Variants in CFAP61 observed in about 807,000 individuals in gnomAD.
The protein encoded by CFAP61 is cilia and flagella associated protein 61, also known as cilia- and flagella-associated protein 61.
In CFAP61, 107 loss-of-function variants were observed where a neutral mutation model predicts 135.6. That is an observed-to-expected ratio of 0.79 (90% CI 0.67 to 0.93). CFAP61 has a LOEUF of 0.93. Among genes scored for constraint, CFAP61 ranks in the 40% least tolerant of loss-of-function variants. The pLI, the probability that CFAP61 is intolerant of heterozygous loss-of-function variation, is 0.00. For synonymous variants in CFAP61, 575 were observed against 578.5 expected (o/e 0.99, Z 0.09); for missense variants, 1,507 against 1,556.2 (o/e 0.97, Z 0.53).
chr20:20,115,020 A>G (rs4814941), intron 8 of CFAP61, among the ~76,000 whole-genome samples: 14,920 of 152,124 alleles, frequency 0.098, 1,519 homozygotes, highest in East Asian at 0.59. Flanking sequence ...TGAAGAGATG[A>G]ATTACATTGA....
chr20:20,348,987 T>A (rs1048219581), intron 26 of CFAP61, among the ~76,000 whole-genome samples: 4 of 152,152 alleles, frequency 2.6e-5, no homozygotes, highest in African/African-American at 9.7e-5. Flanking sequence ...TTTTGGAAGT[T>A]CTAGCCAGAG....
In CFAP61 at chr20:20,228,637, C is replaced by G. The variant is rs533856282; in HGVS notation, c.2060+261C>G. 2.9e-5 allele frequency: 9 copies of G among 306,148 alleles called. No homozygotes were observed. In the Admixed American group the frequency reaches 3.4e-4, roughly 12 times the overall value. 19.0% of individuals were successfully genotyped at this position (306,148 alleles called of 1,614,324 possible). A position where few individuals can be genotyped will look rare whatever the true frequency, so the allele number is the denominator to read the frequency against. ...ACAGCCACACTCATTTATGTGTTGT[C>G]TGTGGCCATTTTTGTGCTACAATAG... is the stretch of plus-strand genomic sequence containing the variant. On this transcript the variant is annotated intron_variant, in intron 18 of 26. Coordinates refer to ENST00000245957, the MANE Select transcript of CFAP61 (RefSeq NM_015585.4).
At chr20:20,290,207 C>T in intron 23 of CFAP61, 93 bp from the exon 24 acceptor site, 1 of 806,060 alleles carries the variant, frequency 1.2e-6, no homozygotes, top group Non-Finnish European at 2.2e-6. Context: ...TACGCCACTG[C>T]AGGCATCTGT....
chr20:20,272,031 T>C (rs2053397001), intron 21 of CFAP61, among the ~76,000 whole-genome samples: 1 of 152,340 alleles, frequency 6.6e-6, no homozygotes, highest in African/African-American at 2.4e-5. Flanking sequence ...AAGTACACAA[T>C]GGTAGGTATA....
At chr20:20,056,005 T>C (rs1034636532) in intron 1 of CFAP61, 3 of 1,608,708 alleles carry the variant, frequency 1.9e-6, no homozygotes, top group East Asian at 2.3e-5. Flanking sequence ...TTCTCCACTG[T>C]TGCCGTCATT....
intron 1 of CFAP61, among the ~76,000 whole-genome samples, chr20:20,054,779 G>C (rs527879398): frequency 6.6e-5 from 10 of 152,178 alleles, no homozygotes; most frequent in African/African-American, 2.4e-4. Context: ...TAGACAGTCT[G>C]TCTTTTGTCA....
At chr20:20,076,823 A>G (rs2046082088) in intron 6 of CFAP61, among the ~76,000 whole-genome samples, 2 of 152,138 alleles carry the variant, frequency 1.3e-5, no homozygotes, top group African/African-American at 2.4e-5. Context: ...CTGGATTCTG[A>G]TCTTGGCTCT....
At chr20:20,349,652 TTAAAAAGAA>T (rs1436154238) in intron 26 of CFAP61, among the ~76,000 whole-genome samples, 2 of 152,178 alleles carry the variant, frequency 1.3e-5, no homozygotes, top group Non-Finnish European at 2.9e-5. Context: ...TATAATAGCA[TTAAAAAGAA>T]TAAAATACTT....
chr20:20,085,343 T>C (rs1175158755), intron 6 of CFAP61: 5 of 1,269,790 alleles, frequency 3.9e-6, no homozygotes, highest in Non-Finnish European at 5.1e-6. Context: ...TTTGAGACTA[T>C]GTGAGGCTGA....
chr20:20,190,477 G>A (rs565962390), intron 14 of CFAP61, among the ~76,000 whole-genome samples: 1 of 152,304 alleles, frequency 6.6e-6, no homozygotes, highest in African/African-American at 2.4e-5. Flanking sequence ...TGGGGACAGA[G>A]GGGGCAACTC....
rs938885817 is a variant in CFAP61, at chr20:20,075,583, C to G, written c.534C>G (p.Ser178Arg). 1.2e-6 allele frequency: 2 copies of G among 1,614,162 alleles called. No homozygotes were observed. Among genetic ancestry groups the G allele is most frequent in the African/African-American group, 2.7e-5 (2 of 75,040 alleles). ...CAGTGCATATATGTCACAGGCACAG[C>G]CACTATCCTCAGCTGCACGTTCGCA... ...DFAVHICHRH[S>R]HYPQLHVRKA... Residue 178 changes from serine to arginine, a missense_variant, in exon 6 of 27, where the codon AGC becomes AGG. Coordinates refer to ENST00000245957, the MANE Select transcript of CFAP61 (RefSeq NM_015585.4).
At chr20:20,280,102 G>A (rs150436957) in intron 22 of CFAP61, among the ~76,000 whole-genome samples, 123 of 152,260 alleles carry the variant, frequency 8.1e-4, no homozygotes, top group African/African-American at 2.9e-3. Flanking sequence ...TGGAAATAAA[G>A]CCTTTGTCGA....
intron 7 of CFAP61, among the ~76,000 whole-genome samples, chr20:20,091,770 C>T (rs7273265): frequency 0.21 from 32,292 of 152,002 alleles, 4,270 homozygotes; most frequent in Middle Eastern, 0.34. Flanking sequence ...CTCCGCCTCT[C>T]GGGTTCAAGC....
intron 15 of CFAP61, among the ~76,000 whole-genome samples, chr20:20,193,924 T>C (rs1426313804): frequency 6.6e-6 from 1 of 152,198 alleles, no homozygotes; most frequent in African/African-American, 2.4e-5. Flanking sequence ...TCATTCTAAT[T>C]ATTTCTCATC....
chr20:20,359,939 G>A lies in CFAP61; in HGVS notation c.3514-271G>A, dbSNP rs1367179707. On this transcript the variant is annotated intron_variant, in intron 26 of 26. Transcript: ENST00000245957. This position sits in a 1 kb window ranked among gnomAD's most constrained non-coding sequence, Gnocchi z 4.0. ...TAATGGAGACAGCGTTTCAGCTGACGAAGATGAGAAAGTCCTGGAGATGGA... is the reference window on the plus strand; with the variant it reads ...TAATGGAGACAGCGTTTCAGCTGACAAAGATGAGAAAGTCCTGGAGATGGA... 3.3e-5 allele frequency among the ~76,000 whole-genome samples: 5 copies of A among 152,180 alleles called. No individual in the cohort carries two copies. Among genetic ancestry groups the A allele is most frequent in the Non-Finnish European group, 5.9e-5 (4 of 68,040 alleles).
chr20:20,169,312 T>A lies in CFAP61; in HGVS notation c.1246-9T>A. 1 of 1,608,324 alleles carries A rather than the reference T, an allele frequency of 6.2e-7. No homozygotes were observed. Among genetic ancestry groups the A allele is most frequent in the Non-Finnish European group, 8.5e-7 (1 of 1,176,442 alleles). Reference sequence around the variant, plus strand: ...TCTTTCTCTGTGTCCTGGTTTTTGATGATGTTAGGATAAGAACTTCTGTGT... The same window carrying A: ...TCTTTCTCTGTGTCCTGGTTTTTGAAGATGTTAGGATAAGAACTTCTGTGT... On this transcript the variant is annotated splice_polypyrimidine_tract_variant and intron_variant, in intron 12 of 26. Coordinates refer to ENST00000245957, the MANE Select transcript of CFAP61 (RefSeq NM_015585.4).
At position 20,196,671 on chromosome 20, in the gene CFAP61, C is replaced by G. The variant is rs758622843; in HGVS notation, c.1692C>G (p.Asn564Lys). Reference protein sequence around the residue: ...EHGHMHHFALNPIFRHYTKFF... With the variant: ...EHGHMHHFALKPIFRHYTKFF... ...GGCACATGCATCACTTTGCCCTCAACCCCATTTTCCGGCACTACACCAAGT... is the reference window on the plus strand; with the variant it reads ...GGCACATGCATCACTTTGCCCTCAAGCCCATTTTCCGGCACTACACCAAGT... The change falls in exon 16 of 27, where the codon AAC becomes AAG. Residue 564 changes from asparagine to lysine, a missense_variant. By Grantham distance (94) the Asn-to-Lys change is moderately conservative (BLOSUM62 0). Transcript: ENST00000245957. 5.0e-6 allele frequency: 8 copies of G among 1,614,054 alleles called. No homozygotes were observed. The Admixed American group carries it at 6.7e-5, about 13-fold the overall frequency.
At chr20:20,138,994 ATCTT>A (rs927348575) in intron 8 of CFAP61, among the ~76,000 whole-genome samples, 1 of 152,060 alleles carries the variant, frequency 6.6e-6, no homozygotes, top group Non-Finnish European at 1.5e-5. Flanking sequence ...CTTTTTGTTC[ATCTT>A]TCTTAAATTT....
intron 17 of CFAP61, among the ~76,000 whole-genome samples, chr20:20,211,508 A>C (rs1166528548): frequency 2.6e-5 from 4 of 152,142 alleles, no homozygotes; most frequent in Non-Finnish European, 5.9e-5. Context: ...ACTTAAAAAC[A>C]GGGGAAAAAA....
Sources: allele counts gnomAD v4.1 joint callset (sites outside exome capture counted in the v4.1 genomes callset), GRCh38; gene constraint gnomAD v4.1.1; non-coding constraint Gnocchi (gnomAD v3.1); transcripts MANE v1.5; gene names NCBI Gene and HGNC (gene_info 2026-07-23, HGNC 2026-07-21).